The following ADCY3 variants were observed in gnomAD, a reference collection of about 807,000 sequenced individuals.
ADCY3 encodes adenylate cyclase type 3.
Under a neutral mutation model 119.4 loss-of-function variants are expected in ADCY3, and 70 were observed. That is an observed-to-expected ratio of 0.59 (90% CI 0.48 to 0.72). The LOEUF (loss-of-function observed/expected upper bound fraction) is 0.72. Ranked by LOEUF, ADCY3 falls within the 30% of genes least tolerant of loss-of-function variation. The probability of loss-of-function intolerance (pLI) is 0.00; values close to 1 mark genes in which losing one functional copy is unlikely to be tolerated. For synonymous variants in ADCY3, 672 were observed against 621.4 expected (o/e 1.08, Z -1.21); for missense variants, 1,238 against 1,541.6 (o/e 0.80, Z 3.30).
rs74590573 is a variant in ADCY3, at chr2:24,861,457, T to C, written c.825+11113A>G. Among the ~76,000 whole-genome samples the C allele has an allele frequency of 6.3e-3, 962 of 152,300 alleles. 10 individuals are homozygous for C. The highest frequency in any genetic ancestry group is 0.021 in the African/African-American group (870 of 41,564). ...CATGTAAGTAAGGGATGGCCTGCTC[T>C]GACACTGACCTCAAATGGCTCTTTG... On this transcript the variant is annotated intron_variant, in intron 3 of 21. Coordinates refer to ENST00000679454, the MANE Select transcript of ADCY3 (RefSeq NM_004036.5).
chr2:24,826,093 C>A lies in ADCY3; in HGVS notation c.2529G>T (p.Thr843=), dbSNP rs148560577. The A allele has an allele frequency of 5.0e-6, 8 of 1,613,956 alleles. No homozygotes were observed. Among genetic ancestry groups the A allele is most frequent in the Middle Eastern group, 1.6e-4 (1 of 6,084 alleles). ...LPLVPSKYSM[T]VMVFLMMLSF... ...TGAGCATCATGAGGAACACCATCAC[C>A]GTCATAGAGTACTTGGAAGGCACCA... Residue 843 remains threonine (T), a synonymous_variant, in exon 16 of 22, where the codon ACG becomes ACT. Transcript: ENST00000679454.
intron 3 of ADCY3, among the ~76,000 whole-genome samples, chr2:24,843,830 A>G (rs1386760953): frequency 6.6e-6 from 1 of 152,236 alleles, no homozygotes; most frequent in Non-Finnish European, 1.5e-5. Flanking sequence ...ACGGAGAGAG[A>G]AAACCAGGGA....
chr2:24,841,220 T>C lies in ADCY3; in HGVS notation c.1196+39A>G. On this transcript the variant is annotated intron_variant, in intron 6 of 21. Coordinates refer to ENST00000679454, the MANE Select transcript of ADCY3 (RefSeq NM_004036.5). This position sits in a 1 kb window ranked among gnomAD's most constrained non-coding sequence, Gnocchi z 5.8. ...CTCCCTGGGTCCAGGGCCGGGGCCC[T>C]TGCTCTGGGAGCCTCCCTCCCAGAG... The C allele has an allele frequency of 6.5e-7, 1 of 1,530,466 alleles. No individual in the cohort carries two copies. 94.8% of individuals were successfully genotyped at this position (1,530,466 alleles called of 1,614,324 possible). A position where few individuals can be genotyped will look rare whatever the true frequency, so the allele number is the denominator to read the frequency against.
intron 2 of ADCY3, among the ~76,000 whole-genome samples, chr2:24,911,711 C>A (rs564946757): frequency 6.8e-6 from 1 of 146,062 alleles, no homozygotes; most frequent in Non-Finnish European, 1.5e-5. Context: ...TGGTTGTGTA[C>A]GTGTGTGTGT....
At position 24,823,261 on chromosome 2, in the gene ADCY3, C is replaced by T. The variant is rs1414927482; in HGVS notation, c.2831G>A (p.Gly944Asp). 6.2e-7 allele frequency: 1 copy of T among 1,613,572 alleles called. No individual in the cohort carries two copies. Among genetic ancestry groups the T allele is most frequent in the Non-Finnish European group, 8.5e-7 (1 of 1,179,960 alleles). The change falls in exon 18 of 22, where the codon GGT becomes GAT. Residue 944 changes from glycine to aspartate, a missense_variant. Around this residue, in one of 7 missense-constraint regions of ADCY3, gnomAD observed 37 missense variants for 73.5 expected, o/e 0.50. Coordinates refer to ENST00000679454, the MANE Select transcript of ADCY3 (RefSeq NM_004036.5). ...DFYTEESINN[G>D]GIECLRFLNE... ...GAGGAAACGCAGACACTCAATACCA[C>T]CATTGTTGATGCTCTCCTCTGTGTA...
chr2:24,853,658 C>T (rs986802411), intron 3 of ADCY3, among the ~76,000 whole-genome samples: 6 of 151,778 alleles, frequency 4.0e-5, no homozygotes, highest in Admixed American at 1.3e-4. Context: ...TTAGTAGAGA[C>T]GGGGTTTCAC....
At chr2:24,903,669 C>T (rs140980670) in intron 2 of ADCY3, among the ~76,000 whole-genome samples, 5 of 151,580 alleles carry the variant, frequency 3.3e-5, no homozygotes, top group African/African-American at 1.2e-4. Flanking sequence ...ATTAGGCCAT[C>T]GTGAAGGGAA....
At chr2:24,855,007 G>T (rs988017730) in intron 3 of ADCY3, among the ~76,000 whole-genome samples, 1 of 152,016 alleles carries the variant, frequency 6.6e-6, no homozygotes. Context: ...CTGAGACTGC[G>T]CCACTGCACT....
chr2:24,859,015 C>T (rs1572909067), intron 3 of ADCY3, among the ~76,000 whole-genome samples: 1 of 152,192 alleles, frequency 6.6e-6, no homozygotes, highest in Admixed American at 6.5e-5. Flanking sequence ...GAGTTGGAAC[C>T]AACAGAAGGA....
chr2:24,853,464 CATCT>C (rs1316740708), intron 3 of ADCY3, among the ~76,000 whole-genome samples: 3 of 145,718 alleles, frequency 2.1e-5, no homozygotes, highest in South Asian at 4.3e-4. Context: ...AAACGCGCCT[CATCT>C]TTTTTTTTTT....
At chr2:24,847,850 G>C (rs1235441032) in intron 3 of ADCY3, among the ~76,000 whole-genome samples, 1 of 152,264 alleles carries the variant, frequency 6.6e-6, no homozygotes, top group Non-Finnish European at 1.5e-5. Flanking sequence ...AGGCAGAGCT[G>C]AGGAGTCTGG....
intron 17 of ADCY3, 137 bp from the exon 18 acceptor site, chr2:24,823,492 ATTTTT>A (rs5829941): frequency 4.5e-6 from 3 of 659,672 alleles, no homozygotes; most frequent in Non-Finnish European, 4.6e-6. Context: ...TTATTCCAGC[ATTTTT>A]TTTTTTTTTT....
At chr2:24,856,116 G>A (rs1672961408) in intron 3 of ADCY3, among the ~76,000 whole-genome samples, 1 of 152,222 alleles carries the variant, frequency 6.6e-6, no homozygotes, top group African/African-American at 2.4e-5. Context: ...TTGTAAGAGG[G>A]AGACAGTTAG....
rs187283680 is a variant in ADCY3, at chr2:24,835,415, A to G, written c.1663-479T>C. On this transcript the variant is annotated intron_variant, in intron 9 of 21. Coordinates refer to ENST00000679454, the MANE Select transcript of ADCY3 (RefSeq NM_004036.5). Reference sequence around the variant, plus strand: ...ATTTGGAAAGGAAGATCTGAGGGGGAAAGTGATGGGAGAGAGAAGAATGTC... The same window carrying G: ...ATTTGGAAAGGAAGATCTGAGGGGGGAAGTGATGGGAGAGAGAAGAATGTC... 4.6e-3 allele frequency among the ~76,000 whole-genome samples: 704 copies of G among 152,336 alleles called. 9 individuals carry two copies. The highest frequency in any genetic ancestry group is 0.016 in the African/African-American group (681 of 41,580).
At chr2:24,836,769 G>A (rs4665733) in intron 9 of ADCY3, 148 bp downstream of exon 9, 3 of 1,224,728 alleles carry the variant, frequency 2.4e-6, no homozygotes, top group Non-Finnish European at 3.3e-6. Flanking sequence ...GGGGTGACCT[G>A]TCCATGGTTA....
At position 24,834,650 on chromosome 2, in the gene ADCY3, C is replaced by A; in HGVS notation, c.1806-4G>T. 3 of 1,613,612 alleles carry A rather than the reference C, an allele frequency of 1.9e-6. No individual in the cohort carries two copies. Among genetic ancestry groups the A allele is most frequent in the Non-Finnish European group, 1.7e-6 (2 of 1,179,656 alleles). On this transcript the variant is annotated splice_polypyrimidine_tract_variant and splice_region_variant and intron_variant, in intron 10 of 21. Coordinates refer to ENST00000679454, the MANE Select transcript of ADCY3 (RefSeq NM_004036.5). This position sits in a 1 kb window ranked among gnomAD's most constrained non-coding sequence, Gnocchi z 4.2. ...GAAGGTGTTTCTCTTCTTTACTCTG[C>A]AGTGGGAACAAGCCCCATGAATCCC...
chr2:24,859,601 C>G (rs1489898789), intron 3 of ADCY3, among the ~76,000 whole-genome samples: 1 of 152,202 alleles, frequency 6.6e-6, no homozygotes, highest in African/African-American at 2.4e-5. Context: ...TTCAGAAAAG[C>G]AAGAGATACA....
chr2:24,833,911 G>C (rs989269131), intron 11 of ADCY3, among the ~76,000 whole-genome samples: 4 of 152,242 alleles, frequency 2.6e-5, no homozygotes. Context: ...CAGGGTTCCA[G>C]ACCCCTCCTC....
In ADCY3 at chr2:24,918,704, A is replaced by G. The variant is rs1225380300; in HGVS notation, c.284T>C (p.Met95Thr). 3 of 1,613,952 alleles carry G rather than the reference A, an allele frequency of 1.9e-6. No individual in the cohort carries two copies. Among genetic ancestry groups the G allele is most frequent in the Non-Finnish European group, 1.7e-6 (2 of 1,180,006 alleles). Residue 95 changes from methionine (M) to threonine (T), a missense_variant, in exon 2 of 22, where the codon ATG becomes ACG. Around this residue, in one of 7 missense-constraint regions of ADCY3, gnomAD observed 227 missense variants for 249.3 expected, o/e 0.91. Transcript: ENST00000679454. This position sits in a 1 kb window ranked among gnomAD's most constrained non-coding sequence, Gnocchi z 5.4. Reference sequence around the variant, plus strand: ...GTCGCTGGAGAAGACCACAGCACACATGACCACCACGTAGCAGTCAAAGAG... The same window carrying G: ...GTCGCTGGAGAAGACCACAGCACACGTGACCACCACGTAGCAGTCAAAGAG... ...AALFDCYVVVMCAVVFSSDKL... is the reference protein window; with the variant it reads ...AALFDCYVVVTCAVVFSSDKL...
Sources: gnomAD v4.1 joint callset for allele counts (sites outside exome capture counted in the v4.1 genomes callset) on GRCh38, gnomAD v4.1.1 for gene constraint, gnomAD v4.1.1 regional missense constraint, Gnocchi (gnomAD v3.1) non-coding constraint, MANE v1.5 for transcripts, NCBI Gene and HGNC (gene_info 2026-07-23, HGNC 2026-07-21) for gene names.